STOML3: variants seen among roughly 807,000 people sequenced by gnomAD.
STOML3 encodes stomatin-like protein 3.
Under a neutral mutation model 29.5 loss-of-function variants are expected in STOML3, and 31 were observed. That is an observed-to-expected ratio of 1.05 (90% confidence interval 0.79 to 1.42). STOML3 has a LOEUF of 1.42. Ranked by LOEUF, STOML3 falls within the 40% of genes most tolerant of loss-of-function variation. STOML3 has a pLI of 0.00. For synonymous variants in STOML3, 122 were observed against 139.8 expected, an observed-to-expected ratio of 0.87 and a Z score of 0.90; for missense variants, 380 against 363.0, an observed-to-expected ratio of 1.05 and a Z score of -0.38.
chr13:38,987,991 TTATATTTTATATCA>T (rs1292237275), intron 1 of STOML3, among the ~76,000 whole-genome samples: 96 of 96,848 alleles, frequency 9.9e-4, no homozygotes, highest in Non-Finnish European at 1.6e-3. Flanking sequence ...ATATAATATA[TTATATTTTATATCA>T]TATATTTTAT....
At chr13:38,985,925 T>TG (rs1394358598) in intron 1 of STOML3, among the ~76,000 whole-genome samples, 2 of 144,510 alleles carry the variant, frequency 1.4e-5, no homozygotes, top group African/African-American at 5.0e-5. Context: ...TTTTTTTTTT[T>TG]TTTTTTTTGT....
At chr13:38,982,226 C>T (rs1370893899) in intron 1 of STOML3, among the ~76,000 whole-genome samples, 2 of 151,410 alleles carry the variant, frequency 1.3e-5, no homozygotes, top group African/African-American at 4.9e-5. Context: ...TCTCCCTTTT[C>T]TTAGGGCATT....
rs369471573 is a variant in STOML3 at position 38,966,814 on chromosome 13, G to C, written c.*11C>G. 1.2e-6 allele frequency: 2 copies of C among 1,609,348 alleles called. No individual in the cohort carries two copies. Among genetic ancestry groups the C allele is most frequent in the African/African-American group, 2.7e-5 (2 of 74,744 alleles). On this transcript the variant is annotated 3_prime_UTR_variant, in exon 7 of 7. Transcript: ENST00000379631. ...ACTCTCTATGCAATAGCTGACTACC[G>C]CAAGAGGACCTCAGGCTTTATTTGG...
At chr13:38,967,927 GC>G (rs1880715800) in intron 6 of STOML3, among the ~76,000 whole-genome samples, 1 of 152,078 alleles carries the variant, frequency 6.6e-6, no homozygotes, top group Non-Finnish European at 1.5e-5. Flanking sequence ...GTATTTAATT[GC>G]CCCCTTTTAT....
chr13:38,977,510 A>G (rs1240294139), intron 1 of STOML3, among the ~76,000 whole-genome samples: 1 of 152,212 alleles, frequency 6.6e-6, no homozygotes, highest in African/African-American at 2.4e-5. Flanking sequence ...ATGAATATGT[A>G]TTCCAGGGAC....
chr13:38,976,658 CA>C, intron 2 of STOML3, 35 bp downstream of exon 2: 1 of 1,613,944 alleles, frequency 6.2e-7, no homozygotes, highest in Non-Finnish European at 8.5e-7. Context: ...TTTGTCAGTT[CA>C]TATAGATAGC....
At position 38,976,734 on chromosome 13, in the gene STOML3, A is replaced by G. The variant is rs774782156; in HGVS notation, c.116T>C (p.Val39Ala). 9.3e-6 allele frequency: 15 copies of G among 1,614,118 alleles called. No homozygotes were observed. The highest frequency in any genetic ancestry group is 1.3e-5 in the Non-Finnish European group (15 of 1,180,002). Residue 39 changes from valine (V) to alanine (A), a missense_variant, in exon 2 of 7, where the codon GTG becomes GCG. Physicochemically the swap from Val to Ala is moderately conservative, Grantham distance 64 (BLOSUM62 0). Transcript: ENST00000379631. ...WILFSLSFLL[V>A]IITFPISIWM... Reference sequence around the variant, plus strand: ...TATGGAGATGGGGAAGGTAATGATCACCAACAGGAAAGAGAGGGAAAACAG... The same window carrying G: ...TATGGAGATGGGGAAGGTAATGATCGCCAACAGGAAAGAGAGGGAAAACAG...
intron 1 of STOML3, among the ~76,000 whole-genome samples, chr13:38,982,604 G>C (rs1881306399): frequency 6.6e-6 from 1 of 152,034 alleles, no homozygotes; most frequent in South Asian, 2.1e-4. Context: ...TTATTTTCTT[G>C]TGAAAAGAAA....
intron 1 of STOML3, among the ~76,000 whole-genome samples, chr13:38,979,874 A>ATT (rs777993954): frequency 5.3e-5 from 8 of 152,156 alleles, no homozygotes; most frequent in Admixed American, 2.0e-4. Context: ...GGTGTTCAGA[A>ATT]ACCTTGGGCT....
In STOML3 at chr13:38,970,082, A is replaced by T. The variant is rs544839285; in HGVS notation, c.516+103T>A. On this transcript the variant is annotated intron_variant, in intron 5 of 6. Transcript: ENST00000379631. ...TGTCTGTGTGTGAGTGTGTGCAAGC[A>T]TGCATGTGGTGGGGGATGCTTTGAA... 251 of 1,033,472 alleles carry T rather than the reference A, an allele frequency of 2.4e-4. 1 individual carries two copies. The highest frequency in any genetic ancestry group is 3.5e-4 in the Non-Finnish European group (242 of 693,642). The allele number at this position is 1,033,472 out of a possible 1,614,324, so 64.0% of individuals were successfully genotyped here. A position where few individuals can be genotyped will look rare whatever the true frequency, so the allele number is the denominator to read the frequency against.
intron 4 of STOML3, among the ~76,000 whole-genome samples, chr13:38,972,013 C>G (rs1880886898): frequency 6.6e-6 from 1 of 152,180 alleles, no homozygotes; most frequent in South Asian, 2.1e-4. Context: ...TGTCCTTATG[C>G]CTGCCCCCTC....
At chr13:38,967,947 C>T (rs573265399) in intron 6 of STOML3, among the ~76,000 whole-genome samples, 6 of 152,218 alleles carry the variant, frequency 3.9e-5, no homozygotes, top group South Asian at 2.1e-4. Context: ...ATTCCAGCAA[C>T]GTTTAATATA....
chr13:38,987,894 TTATGTTATATATAA>T (rs1868673550), intron 1 of STOML3, among the ~76,000 whole-genome samples: 4 of 50,834 alleles, frequency 7.9e-5, no homozygotes, highest in African/African-American at 4.7e-4. Context: ...ATATAATATA[TTATGTTATATATAA>T]TATATTATAT....
At chr13:38,983,381 G>C (rs1277176031) in intron 1 of STOML3, among the ~76,000 whole-genome samples, 1 of 152,064 alleles carries the variant, frequency 6.6e-6, no homozygotes, top group Non-Finnish European at 1.5e-5. Context: ...ATTTAACTTT[G>C]TTCAGTACAG....
intron 1 of STOML3, chr13:38,980,258 T>C: frequency 1.2e-6 from 1 of 867,476 alleles, no homozygotes; most frequent in Non-Finnish European, 1.8e-6. Flanking sequence ...TAGCTGCCAG[T>C]TAAAGTGGGG....
At chr13:38,986,043 T>TG (rs1566210065) in intron 1 of STOML3, among the ~76,000 whole-genome samples, 1 of 147,980 alleles carries the variant, frequency 6.8e-6, no homozygotes, top group East Asian at 1.9e-4. Flanking sequence ...TGGTTTTTTT[T>TG]TTTTTTTTTT....
intron 3 of STOML3, among the ~76,000 whole-genome samples, chr13:38,975,806 A>G (rs910478719): frequency 3.9e-5 from 6 of 152,148 alleles, no homozygotes; most frequent in Non-Finnish European, 8.8e-5. Flanking sequence ...AACCCCGGGC[A>G]AAAACAAAAA....
intron 4 of STOML3, among the ~76,000 whole-genome samples, chr13:38,971,625 T>C (rs1309329967): frequency 6.6e-6 from 1 of 152,168 alleles, no homozygotes; most frequent in Non-Finnish European, 1.5e-5. Flanking sequence ...ACTTCAAGAA[T>C]TAAAAGACTT....
chr13:38,970,373 A>T lies in STOML3; in HGVS notation c.328T>A (p.Ser110Thr). Residue 110 changes from serine to threonine, a missense_variant, in exon 5 of 7, where the codon TCC becomes ACC. By Grantham distance (58) the Ser-to-Thr change is moderately conservative (BLOSUM62 1). Transcript: ENST00000379631. ...IPPQEILTRDSVTTQVDGVVY... is the reference protein window; with the variant it reads ...IPPQEILTRDTVTTQVDGVVY... ...ACTCCATCTACCTGAGTAGTTACGG[A>T]GTCTCTGGTGAGGATCTGTGGAGTA... 6.2e-7 allele frequency: 1 copy of T among 1,614,096 alleles called. No individual in the cohort carries two copies. Among genetic ancestry groups the T allele is most frequent in the Non-Finnish European group, 8.5e-7 (1 of 1,179,982 alleles).
Sources: allele counts gnomAD v4.1 joint callset (sites outside exome capture counted in the v4.1 genomes callset), GRCh38; gene constraint gnomAD v4.1.1; transcripts MANE v1.5; gene names NCBI Gene and HGNC (gene_info 2026-07-23, HGNC 2026-07-21).